DENND2A: variants seen among roughly 807,000 people sequenced by gnomAD.
The protein encoded by DENND2A is DENN domain-containing protein 2A.
In DENND2A, 53 loss-of-function variants were observed where a neutral mutation model predicts 105.3. The ratio of observed to expected loss-of-function variants is 0.50; its 90% CI spans 0.40 to 0.63. The LOEUF (loss-of-function observed/expected upper bound fraction) is 0.63. DENND2A is among the 30% of genes least tolerant of loss of function. The pLI, the probability that DENND2A is intolerant of heterozygous loss-of-function variation, is 0.00. For synonymous variants in DENND2A, 522 were observed against 508.4 expected, an observed-to-expected ratio of 1.03 and a Z score of -0.36; for missense variants, 1,138 against 1,279.6, an observed-to-expected ratio of 0.89 and a Z score of 1.69.
intron 12 of DENND2A, among the ~76,000 whole-genome samples, chr7:140,548,619 T>TAA (rs1796997801): frequency 6.8e-6 from 1 of 148,066 alleles, no homozygotes; most frequent in African/African-American, 2.5e-5. Context: ...ACTTTATTTT[T>TAA]TATTTTTTTT....
At chr7:140,621,760 A>G (rs779229616) in intron 1 of DENND2A, among the ~76,000 whole-genome samples, 9 of 152,174 alleles carry the variant, frequency 5.9e-5, no homozygotes, top group Non-Finnish European at 1.0e-4. Context: ...AATGTCTCCA[A>G]TACAAAACAC....
chr7:140,532,991 CTTTT>C (rs3042406), intron 14 of DENND2A, among the ~76,000 whole-genome samples: 1 of 120,148 alleles, frequency 8.3e-6, no homozygotes, highest in Non-Finnish European at 1.7e-5. Context: ...AGGCTACCTG[CTTTT>C]TTTTTTTTTT....
intron 12 of DENND2A, among the ~76,000 whole-genome samples, chr7:140,554,899 CT>C (rs1797294450): frequency 1.3e-5 from 2 of 152,166 alleles, no homozygotes; most frequent in Non-Finnish European, 2.9e-5. Flanking sequence ...TTAATCCCCC[CT>C]CCACAAAACT....
intron 9 of DENND2A, among the ~76,000 whole-genome samples, chr7:140,563,933 C>T (rs938352426): frequency 2.6e-5 from 4 of 151,776 alleles, no homozygotes; most frequent in South Asian, 2.1e-4. Flanking sequence ...GAGCTGTGAT[C>T]GTGCCACTCC....
chr7:140,602,378 T>C lies in DENND2A; in HGVS notation c.20A>G (p.Asp7Gly), dbSNP rs1799548106. MDMFSL[D>G]MIISDPAAEA... is the part of the protein sequence containing the mutation. ...TGCAGCTGGGTCACTGATGATCATA[T>C]CCAAGCTGAACATATCCATTCTTGA... The change falls in exon 3 of 20, where the codon GAT becomes GGT. Residue 7 changes from aspartate (D) to glycine (G), a missense_variant. Asp to Gly is a moderately conservative substitution (Grantham distance 94). Around this residue, in one of 2 missense-constraint regions of DENND2A, gnomAD observed 511 missense variants for 499.9 expected, o/e 1.02. Coordinates refer to ENST00000496613, the MANE Select transcript of DENND2A (RefSeq NM_015689.5). The C allele has an allele frequency of 1.3e-6, 2 of 1,582,560 alleles. No homozygotes were observed. Among genetic ancestry groups the C allele is most frequent in the East Asian group, 2.2e-5 (1 of 44,560 alleles).
At chr7:140,550,300 C>T (rs1393463181) in intron 12 of DENND2A, among the ~76,000 whole-genome samples, 1 of 152,072 alleles carries the variant, frequency 6.6e-6, no homozygotes, top group Non-Finnish European at 1.5e-5. Flanking sequence ...TCAAACGATT[C>T]TCCTGCCTCA....
intron 14 of DENND2A, among the ~76,000 whole-genome samples, chr7:140,528,115 A>G (rs1796130016): frequency 6.6e-6 from 1 of 152,128 alleles, no homozygotes; most frequent in Admixed American, 6.6e-5. Context: ...TGCTGGGATT[A>G]CAGGCGTGAG....
intron 1 of DENND2A, among the ~76,000 whole-genome samples, chr7:140,635,087 ACT>A (rs1414233521): frequency 1.3e-5 from 2 of 151,488 alleles, no homozygotes; most frequent in East Asian, 1.9e-4. Context: ...ACATGGGGAA[ACT>A]CTGTCTCTAC....
In DENND2A at chr7:140,523,307, C is replaced by T. The variant is rs559651394; in HGVS notation, c.2665G>A (p.Gly889Ser). 60 of 1,614,088 alleles carry T rather than the reference C, an allele frequency of 3.7e-5. No individual in the cohort carries two copies. The African/African-American group carries it at 5.2e-4, about 14-fold the overall frequency. ...CACTGGGAGGTGGCTGAACACTTACCGTGCCTGCCGTCTAGGGGCCCTTCG... is the reference window on the plus strand; with the variant it reads ...CACTGGGAGGTGGCTGAACACTTACTGTGCCTGCCGTCTAGGGGCCCTTCG... ...QDEGPLDGRH[G>S]PESSPLNEVV... is the part of the protein sequence containing the mutation. Residue 889 changes from glycine (G) to serine (S), a missense_variant and splice_region_variant, in exon 17 of 20, where the codon GGT (glycine) becomes AGT (serine). Coordinates refer to ENST00000496613, the MANE Select transcript of DENND2A (RefSeq NM_015689.5). The surrounding 1 kb of genome is among the most constrained non-coding windows in gnomAD (Gnocchi z 4.5).
chr7:140,537,578 A>G (rs1796495235), intron 14 of DENND2A, among the ~76,000 whole-genome samples: 1 of 152,224 alleles, frequency 6.6e-6, no homozygotes. Context: ...AGTAGCTGGA[A>G]CTACAGGCAT....
rs752378977 is a variant in DENND2A at position 140,523,033 on chromosome 7, G to A, written c.2665+274C>T. Among the ~76,000 whole-genome samples, 9 of 152,014 alleles carry A rather than the reference G, an allele frequency of 5.9e-5. No homozygotes were observed. Among genetic ancestry groups the A allele is most frequent in the African/African-American group, 1.9e-4 (8 of 41,420 alleles). On this transcript the variant is annotated intron_variant, in intron 17 of 19. Transcript: ENST00000496613. This position sits in a 1 kb window ranked among gnomAD's most constrained non-coding sequence, Gnocchi z 4.5. ...AGGGATCCTCCTGCCTCAGCCTCCCGGGTAGCTGGGACCACAGGCATGTGC... is the reference window on the plus strand; with the variant it reads ...AGGGATCCTCCTGCCTCAGCCTCCCAGGTAGCTGGGACCACAGGCATGTGC...
At chr7:140,593,433 C>T (rs971874297) in intron 3 of DENND2A, among the ~76,000 whole-genome samples, 25 of 152,202 alleles carry the variant, frequency 1.6e-4, no homozygotes, top group Admixed American at 1.3e-3. Flanking sequence ...GCGTTATAAC[C>T]TATGTAATAG....
At chr7:140,620,276 T>G (rs1198369446) in intron 1 of DENND2A, among the ~76,000 whole-genome samples, 4 of 144,170 alleles carry the variant, frequency 2.8e-5, no homozygotes, top group African/African-American at 1.0e-4. Flanking sequence ...AACGTTCCTG[T>G]TGTAATGTTA....
intron 5 of DENND2A, among the ~76,000 whole-genome samples, chr7:140,575,747 C>T (rs1212513918): frequency 6.6e-6 from 1 of 152,174 alleles, no homozygotes; most frequent in East Asian, 1.9e-4. Context: ...GTGGGTGGAT[C>T]ACCTGAGGTC....
At chr7:140,531,086 A>G (rs894357109) in intron 14 of DENND2A, among the ~76,000 whole-genome samples, 2 of 152,242 alleles carry the variant, frequency 1.3e-5, no homozygotes, top group Non-Finnish European at 2.9e-5. Flanking sequence ...AAGCAGAGAT[A>G]CCTTTCCCTA....
intron 14 of DENND2A, among the ~76,000 whole-genome samples, chr7:140,539,241 TA>T (rs1311822655): frequency 1.1e-4 from 17 of 152,180 alleles, no homozygotes; most frequent in Non-Finnish European, 2.5e-4. Flanking sequence ...TACTTTCCCA[TA>T]AATCAGACAG....
At chr7:140,566,107 C>G (rs1423159730) in intron 9 of DENND2A, among the ~76,000 whole-genome samples, 1 of 152,198 alleles carries the variant, frequency 6.6e-6, no homozygotes, top group African/African-American at 2.4e-5. Flanking sequence ...TCTCTGCTCA[C>G]TGCAAGCTCT....
chr7:140,586,366 AACACACACACACACACACACAC>A (rs10524571), intron 4 of DENND2A, among the ~76,000 whole-genome samples: 1 of 139,534 alleles, frequency 7.2e-6, no homozygotes, highest in African/African-American at 2.7e-5. Context: ...TAAAAAAGAA[AACACACACACACACACACACAC>A]ACACACACAC....
chr7:140,601,936 G>GT lies in DENND2A; in HGVS notation c.461dup (p.Asn154LysfsTer40). The GT allele has an allele frequency of 6.2e-7, 1 of 1,614,168 alleles. No individual in the cohort carries two copies. The highest frequency in any genetic ancestry group is 8.5e-7 in the Non-Finnish European group (1 of 1,180,018). On this transcript the variant is annotated frameshift_variant, in exon 3 of 20. Transcript: ENST00000496613. LOFTEE classifies it high-confidence loss of function. ...CCTGCTTCAGCACGGAGAGGGGATCGTTCTGAAAGCGTAGCTTGCCAAGTC... is the reference window on the plus strand; with the variant it reads ...CCTGCTTCAGCACGGAGAGGGGATCGTTTCTGAAAGCGTAGCTTGCCAAGTC...
Sources: gnomAD v4.1 joint callset for allele counts (sites outside exome capture counted in the v4.1 genomes callset) on GRCh38, gnomAD v4.1.1 for gene constraint, gnomAD v4.1.1 regional missense constraint, Gnocchi (gnomAD v3.1) non-coding constraint, MANE v1.5 for transcripts, NCBI Gene and HGNC (gene_info 2026-07-23, HGNC 2026-07-21) for gene names.